LDB2: variants seen among roughly 807,000 people sequenced by gnomAD.
LDB2 encodes the protein LIM domain-binding protein 2.
Under a neutral mutation model 44.3 loss-of-function variants are expected in LDB2, and 12 were observed. That is an observed-to-expected ratio of 0.27 (90% confidence interval 0.17 to 0.44). LDB2 has a LOEUF of 0.44. Ranked by LOEUF, LDB2 falls within the 20% of genes least tolerant of loss-of-function variation. The pLI is 1.00. For synonymous variants in LDB2, 164 were observed against 174.8 expected, an observed-to-expected ratio of 0.94 and a Z score of 0.49; for missense variants, 344 against 473.5, an observed-to-expected ratio of 0.73 and a Z score of 2.54.
At chr4:16,747,307 T>G (rs1475830371) in intron 2 of LDB2, among the ~76,000 whole-genome samples, 1 of 152,154 alleles carries the variant, frequency 6.6e-6, no homozygotes, top group Non-Finnish European at 1.5e-5. Flanking sequence ...GAGCTCCAAG[T>G]ACTAAAGCAT....
At chr4:16,598,355 A>G (rs1721597038) in intron 2 of LDB2, among the ~76,000 whole-genome samples, 1 of 152,142 alleles carries the variant, frequency 6.6e-6, no homozygotes, top group African/African-American at 2.4e-5. Flanking sequence ...TGGAGAGGTC[A>G]TGTGAAGGAG....
At chr4:16,516,844 A>G (rs1291385233) in intron 5 of LDB2, among the ~76,000 whole-genome samples, 1 of 152,178 alleles carries the variant, frequency 6.6e-6, no homozygotes, top group African/African-American at 2.4e-5. Context: ...TCTGAATGCT[A>G]ATCGAGAATC....
intron 5 of LDB2, among the ~76,000 whole-genome samples, chr4:16,535,951 C>T (rs1731686668): frequency 6.6e-6 from 1 of 152,170 alleles, no homozygotes; most frequent in Non-Finnish European, 1.5e-5. Context: ...GTGCTGCTAT[C>T]CTTTGTGACT....
chr4:16,651,403 CCATAAATATTTT>C lies in LDB2; in HGVS notation c.236-55540_236-55529del, dbSNP rs1345270909. On this transcript the variant is annotated intron_variant, in intron 2 of 7. Transcript: ENST00000304523. ...AATAAATTCAAATGACTTTGATTTT[CCATAAATATTTT>C]CATAAATATTTTCACATGGCCCTCC... Among the ~76,000 whole-genome samples, 5 of 152,276 alleles carry C rather than the reference CCATAAATATTTT, an allele frequency of 3.3e-5. No homozygotes were observed. The East Asian group carries it at 7.7e-4, about 23-fold the overall frequency.
At chr4:16,637,299 A>ATTTTTTTT (rs34484721) in intron 2 of LDB2, among the ~76,000 whole-genome samples, 18 of 85,492 alleles carry the variant, frequency 2.1e-4, no homozygotes, top group South Asian at 1.7e-3. Flanking sequence ...GCCTAGGCTG[A>ATTTTTTTT]TTTTTTTTTT....
chr4:16,526,350 C>T (rs750538683), intron 5 of LDB2, among the ~76,000 whole-genome samples: 1 of 152,230 alleles, frequency 6.6e-6, no homozygotes, highest in African/African-American at 2.4e-5. Context: ...CCGACCCCCA[C>T]CTCTCAGGTT....
intron 2 of LDB2, among the ~76,000 whole-genome samples, chr4:16,717,159 AAAT>A (rs140994016): frequency 0.015 from 2,251 of 146,438 alleles, 23 homozygotes; most frequent in South Asian, 0.034. Context: ...AGCTAATAGC[AAAT>A]AATAATAATA....
At chr4:16,672,504 T>C (rs1254640764) in intron 2 of LDB2, among the ~76,000 whole-genome samples, 1 of 152,224 alleles carries the variant, frequency 6.6e-6, no homozygotes, top group East Asian at 1.9e-4. Flanking sequence ...ACTGAGCCCT[T>C]ACTTTCTTGT....
intron 2 of LDB2, among the ~76,000 whole-genome samples, chr4:16,739,743 C>CGTAT (rs1762852574): frequency 1.0e-5 from 1 of 96,310 alleles, no homozygotes; most frequent in Admixed American, 1.1e-4. Flanking sequence ...TATATACATA[C>CGTAT]ATATACATAT....
intron 1 of LDB2, among the ~76,000 whole-genome samples, chr4:16,783,113 C>T (rs577183617): frequency 1.3e-5 from 2 of 152,154 alleles, no homozygotes; most frequent in South Asian, 2.1e-4. Flanking sequence ...TGCCAAGACC[C>T]GAAGCATAAG....
intron 1 of LDB2, among the ~76,000 whole-genome samples, chr4:16,782,205 G>A (rs191853237): frequency 6.6e-5 from 10 of 152,208 alleles, no homozygotes; most frequent in Admixed American, 1.3e-4. Flanking sequence ...ACATCAGGCC[G>A]CAATGCTGCT....
chr4:16,661,492 C>G (rs558071968), intron 2 of LDB2, among the ~76,000 whole-genome samples: 21 of 152,196 alleles, frequency 1.4e-4, no homozygotes, highest in African/African-American at 9.7e-5. Flanking sequence ...GTTTCCTCAT[C>G]TTCAGTGGGG....
chr4:16,504,406 A>C (rs1316350074), intron 7 of LDB2, among the ~76,000 whole-genome samples: 2 of 152,234 alleles, frequency 1.3e-5, no homozygotes, highest in African/African-American at 4.8e-5. Context: ...TTTTCTGACT[A>C]ATCATTCTTG....
chr4:16,726,948 T>C (rs898425614), intron 2 of LDB2, among the ~76,000 whole-genome samples: 1 of 152,222 alleles, frequency 6.6e-6, no homozygotes, highest in Non-Finnish European at 1.5e-5. Context: ...ATTATGTGTG[T>C]GTGTGTATAA....
intron 1 of LDB2, among the ~76,000 whole-genome samples, chr4:16,822,795 C>T (rs1467394287): frequency 6.6e-6 from 1 of 152,232 alleles, no homozygotes; most frequent in Non-Finnish European, 1.5e-5. Flanking sequence ...AGATTACAGG[C>T]ATGCACCACC....
intron 5 of LDB2, among the ~76,000 whole-genome samples, chr4:16,522,276 T>TTGTGTGTGCGTGTG (rs61400788): frequency 0.2 from 29,396 of 150,140 alleles, 2,891 homozygotes; most frequent in South Asian, 0.27. Context: ...GTGTGTGTGT[T>TTGTGTGTGCGTGTG]TGTGTGTGTG....
intron 1 of LDB2, among the ~76,000 whole-genome samples, chr4:16,791,087 T>G (rs1015391626): frequency 3.9e-5 from 6 of 152,224 alleles, no homozygotes; most frequent in African/African-American, 7.2e-5. Flanking sequence ...CTTTCTCTAC[T>G]GATGCCCAAG....
chr4:16,848,285 A>G (rs1314002573), intron 1 of LDB2, among the ~76,000 whole-genome samples: 2 of 152,242 alleles, frequency 1.3e-5, no homozygotes, highest in Non-Finnish European at 2.9e-5. Flanking sequence ...TACACAGATG[A>G]AAAGCTCAAT....
chr4:16,601,154 CAA>C (rs1230978288), intron 2 of LDB2, among the ~76,000 whole-genome samples: 1 of 152,046 alleles, frequency 6.6e-6, no homozygotes, highest in Non-Finnish European at 1.5e-5. Flanking sequence ...CAGATATACA[CAA>C]ATACTTTTAA....
Sources: gnomAD v4.1 joint callset for allele counts (sites outside exome capture counted in the v4.1 genomes callset) on GRCh38, gnomAD v4.1.1 for gene constraint, MANE v1.5 for transcripts, NCBI Gene and HGNC (gene_info 2026-07-23, HGNC 2026-07-21) for gene names.